EDDM13: variants seen among roughly 807,000 people sequenced by gnomAD.
EDDM13 encodes epididymal protein 13.
Under a neutral mutation model 17.8 loss-of-function variants are expected in EDDM13, and 24 were observed. The ratio of observed to expected loss-of-function variants is 1.35; its 90% CI spans 0.98 to 1.90. The LOEUF (loss-of-function observed/expected upper bound fraction) is 1.90, where lower values mean the gene tolerates loss of function less well. Among genes scored for constraint, EDDM13 ranks in the 40% most tolerant of loss-of-function variants. The pLI, the probability that EDDM13 is intolerant of heterozygous loss-of-function variation, is 0.00. For synonymous variants in EDDM13, 31 were observed against 37.5 expected, an observed-to-expected ratio of 0.83 and a Z score of 0.63; for missense variants, 97 against 100.8, an observed-to-expected ratio of 0.96 and a Z score of 0.16.
At chr19:56,280,893 C>T (rs1036585985) in intron 2 of EDDM13, among the ~76,000 whole-genome samples, 3 of 152,172 alleles carry the variant, frequency 2.0e-5, no homozygotes, top group Non-Finnish European at 4.4e-5. Context: ...GGGGTACACA[C>T]TCAAACCATA....
rs895634926 is a variant in EDDM13, at chr19:56,297,524, G to A, written c.288G>A (p.Lys96=). 1 of 985,024 alleles carries A rather than the reference G, an allele frequency of 1.0e-6. No individual in the cohort carries two copies. Among genetic ancestry groups the A allele is most frequent in the African/African-American group, 1.8e-5 (1 of 57,114 alleles). The allele number at this position is 985,024 out of a possible 1,614,324, so 61.0% of individuals were successfully genotyped here. A position where few individuals can be genotyped will look rare whatever the true frequency, so the allele number is the denominator to read the frequency against. The change falls in exon 12 of 15, where the codon AAG becomes AAA. Residue 96 remains lysine, a synonymous_variant. Transcript: ENST00000649256. ...TTTTAGAAGAAACAAGTGGCTGCAAGGAGGAAGGTAAGTGCTTGGGGTCGT... is the reference window on the plus strand; with the variant it reads ...TTTTAGAAGAAACAAGTGGCTGCAAAGAGGAAGGTAAGTGCTTGGGGTCGT... The part of the protein sequence containing the change: ...QVLHEETSGC[K]EEVKPFSGTT...
intron 2 of EDDM13, among the ~76,000 whole-genome samples, chr19:56,277,405 CATT>C (rs1392770300): frequency 2.6e-5 from 4 of 152,100 alleles, no homozygotes; most frequent in South Asian, 2.1e-4. Context: ...GCCTTGAAAA[CATT>C]ATTCTCAGTG....
At chr19:56,299,739 G>A (rs1017188603) in intron 12 of EDDM13, 4 of 152,102 alleles carry the variant, frequency 2.6e-5, no homozygotes, top group African/African-American at 9.7e-5. Flanking sequence ...TTATTGTACT[G>A]TTATATTTTT....
rs1158884342 is a variant in EDDM13, at chr19:56,284,222, C to T, written c.127+16C>T. On this transcript the variant is annotated intron_variant, in intron 5 of 14. Transcript: ENST00000649256. ...GGGATCATAGGTAAGTACCTTGCCA[C>T]TTCACAATGCCCCCAGACTGTGCAC... 3 of 978,380 alleles carry T rather than the reference C, an allele frequency of 3.1e-6. No individual in the cohort carries two copies. The African/African-American group carries it at 5.3e-5, about 17-fold the overall frequency. 60.6% of individuals were successfully genotyped at this position (978,380 alleles called of 1,614,324 possible). A position where few individuals can be genotyped will look rare whatever the true frequency, so the allele number is the denominator to read the frequency against.
chr19:56,293,314 G>A (rs1245046955), intron 9 of EDDM13, among the ~76,000 whole-genome samples: 1 of 152,180 alleles, frequency 6.6e-6, no homozygotes, highest in African/African-American at 2.4e-5. Flanking sequence ...CACACAGCCA[G>A]TCAGGTGCAG....
chr19:56,306,113 T>C (rs973283030), intron 14 of EDDM13, among the ~76,000 whole-genome samples: 1 of 152,002 alleles, frequency 6.6e-6, no homozygotes, highest in African/African-American at 2.4e-5. Flanking sequence ...AGGCTGTCAG[T>C]GAGAAAGAGA....
chr19:56,302,928 G>A, intron 13 of EDDM13: 1 of 398,570 alleles, frequency 2.5e-6, no homozygotes, highest in Admixed American at 4.4e-5. Flanking sequence ...TTCTGTAAGG[G>A]AGGCAGACAT....
At chr19:56,281,798 A>G in intron 3 of EDDM13, 100 bp downstream of exon 3, 5 of 652,406 alleles carry the variant, frequency 7.7e-6, no homozygotes, top group South Asian at 6.8e-5. Flanking sequence ...TGACGATCAC[A>G]TTCAACCTGG....
Position 56,305,528 on chromosome 19 carries a change from G to A in EDDM13, c.461+698G>A, listed in dbSNP as rs146494413. On this transcript the variant is annotated intron_variant, in intron 14 of 14. Transcript: ENST00000649256. ...TCCCACCTTTTGACTGTTGTGAGTCGTGGTGCTATGAACAAGTTATGTTAG... is the reference window on the plus strand; with the variant it reads ...TCCCACCTTTTGACTGTTGTGAGTCATGGTGCTATGAACAAGTTATGTTAG... 2.1e-3 allele frequency among the ~76,000 whole-genome samples: 317 copies of A among 152,286 alleles called. 1 individual carries two copies. The highest frequency in any genetic ancestry group is 7.4e-3 in the African/African-American group (306 of 41,560).
At chr19:56,309,178 C>T (rs35560203) in intron 14 of EDDM13, among the ~76,000 whole-genome samples, 14,375 of 152,208 alleles carry the variant, frequency 0.094, 736 homozygotes, top group Middle Eastern at 0.13. Context: ...AAACACTGTG[C>T]TGAGTGAAAG....
intron 5 of EDDM13, 76 bp from the exon 6 acceptor site, chr19:56,284,922 A>G: frequency 1.4e-6 from 1 of 736,918 alleles, no homozygotes. Flanking sequence ...CATCTGTTGA[A>G]CTGGGAGAAA....
intron 2 of EDDM13, among the ~76,000 whole-genome samples, chr19:56,276,829 G>A (rs1026765391): frequency 7.2e-5 from 11 of 152,024 alleles, no homozygotes; most frequent in African/African-American, 2.2e-4. Flanking sequence ...GAGCCACTGT[G>A]CCCGGCCAAA....
At chr19:56,286,727 T>C (rs764900406) in intron 6 of EDDM13, 2 of 152,210 alleles carry the variant, frequency 1.3e-5, no homozygotes, top group Non-Finnish European at 2.9e-5. Flanking sequence ...TGAAAGAGAA[T>C]TGGAGAGAGA....
chr19:56,305,170 T>C (rs546048774), intron 14 of EDDM13, among the ~76,000 whole-genome samples: 43 of 152,286 alleles, frequency 2.8e-4, no homozygotes, highest in African/African-American at 1.0e-3. Context: ...ACTCAAAATA[T>C]TGTGTGGCCA....
chr19:56,276,506 CTTTT>C lies in EDDM13; in HGVS notation c.103+407_103+410del, dbSNP rs3059506. ...AAAATTATTAAGGATCTAAAGAGCT[CTTTT>C]TTTTTTTTTCCAGTGAGGGTTATTT... On this transcript the variant is annotated intron_variant, in intron 2 of 14. Transcript: ENST00000649256. 2.1e-5 allele frequency among the ~76,000 whole-genome samples: 3 copies of C among 139,736 alleles called. No homozygotes were observed. The Admixed American group carries it at 2.2e-4, about 10-fold the overall frequency. The allele number at this position is 139,736 out of a possible 152,430, so 91.7% of individuals were successfully genotyped here.
chr19:56,305,370 T>G (rs1273227863), intron 14 of EDDM13, among the ~76,000 whole-genome samples: 6 of 152,234 alleles, frequency 3.9e-5, no homozygotes, highest in African/African-American at 1.4e-4. Flanking sequence ...TTTATTCATT[T>G]GGCATAATAT....
At chr19:56,273,112 A>T (rs1005956699) in intron 1 of EDDM13, among the ~76,000 whole-genome samples, 193 bp downstream of exon 1, 5 of 152,070 alleles carry the variant, frequency 3.3e-5, no homozygotes, top group Non-Finnish European at 7.4e-5. Context: ...GCCCTTGGAG[A>T]TACACTTGTG....
At chr19:56,287,423 T>C (rs886103435) in intron 6 of EDDM13, among the ~76,000 whole-genome samples, 19 of 152,140 alleles carry the variant, frequency 1.2e-4, no homozygotes, top group Admixed American at 1.2e-3. Flanking sequence ...CCCTCCCACA[T>C]TGCCTGCGGA....
intron 13 of EDDM13, among the ~76,000 whole-genome samples, chr19:56,304,210 A>G (rs954131407): frequency 6.6e-6 from 1 of 152,336 alleles, no homozygotes; most frequent in African/African-American, 2.4e-5. Context: ...GGCGGTGCTC[A>G]TGGAGATGAG....
Sources: allele counts gnomAD v4.1 joint callset (sites outside exome capture counted in the v4.1 genomes callset), GRCh38; gene constraint gnomAD v4.1.1; transcripts MANE v1.5; gene names NCBI Gene and HGNC (gene_info 2026-07-23, HGNC 2026-07-21).